The following TRHDE variants were observed in gnomAD, a reference collection of about 807,000 sequenced individuals.
The protein encoded by TRHDE is thyrotropin-releasing hormone-degrading ectoenzyme.
In TRHDE, 72 loss-of-function variants were observed where a neutral mutation model predicts 125.7. The observed-to-expected ratio is 0.57, with a 90% CI of 0.47 to 0.70. The LOEUF (loss-of-function observed/expected upper bound fraction) is 0.70. TRHDE is among the 30% of genes least tolerant of loss of function. The probability of loss-of-function intolerance (pLI) is 0.00; values close to 1 mark genes in which losing one functional copy is unlikely to be tolerated. For synonymous variants in TRHDE, 509 were observed against 509.1 expected (o/e 1.00, Z 0.00); for missense variants, 1,110 against 1,327.1 (o/e 0.84, Z 2.54).
rs999934041 is a variant in TRHDE at position 72,446,115 on chromosome 12, C to T, written c.1316-23643C>T. Among the ~76,000 whole-genome samples, 24 of 149,060 alleles carry T rather than the reference C, an allele frequency of 1.6e-4. 1 individual carries two copies. The highest frequency in any genetic ancestry group is 1.0e-3 in the Admixed American group (15 of 14,928). ...TGGGGACCTGTCAAAATCCAAATAT[C>T]GATTCAGTGATGGGTGGGGCCCGAT... On this transcript the variant is annotated intron_variant, in intron 3 of 18. Transcript: ENST00000261180.
chr12:72,640,963 A>C (rs1224734491), intron 15 of TRHDE, among the ~76,000 whole-genome samples: 1 of 152,222 alleles, frequency 6.6e-6, no homozygotes, highest in Non-Finnish European at 1.5e-5. Flanking sequence ...GAAAATAATT[A>C]AATCCACATT....
chr12:72,592,031 A>G (rs531142646), intron 12 of TRHDE, among the ~76,000 whole-genome samples: 1 of 151,686 alleles, frequency 6.6e-6, no homozygotes, highest in Non-Finnish European at 1.5e-5. Flanking sequence ...TTTTCATTAA[A>G]TTTGAAAAAA....
chr12:72,597,473 G>A (rs998600569), intron 12 of TRHDE, among the ~76,000 whole-genome samples: 4 of 151,630 alleles, frequency 2.6e-5, no homozygotes, highest in Non-Finnish European at 5.9e-5. Context: ...TTCGAGACCA[G>A]CCTGGCCAAC....
chr12:72,592,463 A>AT (rs887774708), intron 12 of TRHDE, among the ~76,000 whole-genome samples: 1 of 151,894 alleles, frequency 6.6e-6, no homozygotes, highest in African/African-American at 2.4e-5. Flanking sequence ...AGGTTAATTG[A>AT]TTTTTTTAAT....
At chr12:72,199,108 T>G (rs1403946988) in intron 2 of TRHDE, among the ~76,000 whole-genome samples, 2 of 152,150 alleles carry the variant, frequency 1.3e-5, no homozygotes, top group Non-Finnish European at 2.9e-5. Context: ...CATGGGGAAT[T>G]ACAATCCAAC....
At chr12:72,172,622 A>G (rs1876898018) in intron 2 of TRHDE, among the ~76,000 whole-genome samples, 1 of 152,190 alleles carries the variant, frequency 6.6e-6, no homozygotes, top group South Asian at 2.1e-4. Flanking sequence ...GGGGTGGGAA[A>G]TATCAAAGAA....
chr12:72,180,744 A>C (rs1254671849), intron 2 of TRHDE, among the ~76,000 whole-genome samples: 1 of 152,136 alleles, frequency 6.6e-6, no homozygotes, highest in African/African-American at 2.4e-5. Context: ...TACCCCATGC[A>C]AACTTCCATG....
chr12:72,441,099 A>C (rs1340548505), intron 3 of TRHDE, among the ~76,000 whole-genome samples: 1 of 151,796 alleles, frequency 6.6e-6, no homozygotes, highest in African/African-American at 2.4e-5. Context: ...TTTAGATTTC[A>C]GTACTATACA....
intron 6 of TRHDE, among the ~76,000 whole-genome samples, chr12:72,528,713 T>C (rs1868395429): frequency 6.6e-6 from 1 of 152,030 alleles, no homozygotes; most frequent in African/African-American, 2.4e-5. Flanking sequence ...GGTCTCGAAC[T>C]CCTGATCTCG....
chr12:72,540,991 A>G (rs1869119643), intron 6 of TRHDE, among the ~76,000 whole-genome samples: 1 of 151,622 alleles, frequency 6.6e-6, no homozygotes, highest in Non-Finnish European at 1.5e-5. Flanking sequence ...ATTGCACTAC[A>G]TTCAAGTCCC....
At chr12:72,263,375 C>T (rs1447698289) in intron 2 of TRHDE, 4 of 148,992 alleles carry the variant, frequency 2.7e-5, no homozygotes, top group African/African-American at 2.5e-5. Context: ...AAAAAAAAGC[C>T]GTTTCTCTAG....
chr12:72,224,110 C>G (rs990152258), intron 2 of TRHDE, among the ~76,000 whole-genome samples: 2 of 51,158 alleles, frequency 3.9e-5, no homozygotes, highest in African/African-American at 1.5e-4. Context: ...ATCTATCTAT[C>G]TATCTATCTA....
chr12:72,452,405 T>A (rs566900792), intron 3 of TRHDE, among the ~76,000 whole-genome samples: 5 of 152,160 alleles, frequency 3.3e-5, no homozygotes, highest in Admixed American at 1.3e-4. Context: ...CGGTTGAAAT[T>A]CTTTTCTCAT....
intron 2 of TRHDE, among the ~76,000 whole-genome samples, chr12:72,313,651 TAAC>T: frequency 6.6e-6 from 1 of 152,202 alleles, no homozygotes; most frequent in East Asian, 1.9e-4. Context: ...TAAGTAATCT[TAAC>T]AAAGTATGGA....
At chr12:72,516,259 ATTCT>A (rs921846089) in intron 6 of TRHDE, among the ~76,000 whole-genome samples, 2 of 151,914 alleles carry the variant, frequency 1.3e-5, no homozygotes, top group Non-Finnish European at 2.9e-5. Flanking sequence ...CATGGTATTG[ATTCT>A]TCCTACCCAT....
intron 2 of TRHDE, among the ~76,000 whole-genome samples, chr12:72,350,502 CAT>C (rs1870534729): frequency 6.6e-6 from 1 of 152,010 alleles, no homozygotes; most frequent in Non-Finnish European, 1.5e-5. Flanking sequence ...TGTCCAAGGA[CAT>C]ATACTGGTAA....
At chr12:72,378,181 A>T in intron 3 of TRHDE, 60 bp downstream of exon 3, 1 of 1,468,742 alleles carries the variant, frequency 6.8e-7, no homozygotes, top group East Asian at 2.4e-5. Context: ...TTTCTTCTTC[A>T]TGTGTTTATT....
At chr12:72,656,376 G>A (rs1302826328) in intron 17 of TRHDE, among the ~76,000 whole-genome samples, 1 of 151,998 alleles carries the variant, frequency 6.6e-6, no homozygotes, top group Non-Finnish European at 1.5e-5. Flanking sequence ...TTTTGAGAAT[G>A]TATTTTGCAT....
chr12:72,113,903 A>G (rs1295100939), intron 2 of TRHDE, among the ~76,000 whole-genome samples: 2 of 152,080 alleles, frequency 1.3e-5, no homozygotes, highest in African/African-American at 4.8e-5. Flanking sequence ...GGTGCTACTC[A>G]TTATATGGTT....
Sources: gnomAD v4.1 joint callset for allele counts (sites outside exome capture counted in the v4.1 genomes callset) on GRCh38, gnomAD v4.1.1 for gene constraint, MANE v1.5 for transcripts, NCBI Gene and HGNC (gene_info 2026-07-23, HGNC 2026-07-21) for gene names.